Variants in ERI2 observed in about 807,000 individuals in gnomAD.
The protein encoded by ERI2 is ERI1 exoribonuclease family member 2.
Under a neutral mutation model 46.8 loss-of-function variants are expected in ERI2, and 35 were observed. That is an observed-to-expected ratio of 0.75 (90% CI 0.57 to 0.99). ERI2 has a LOEUF of 0.99. Among genes scored for constraint, ERI2 ranks in the 50% least tolerant of loss-of-function variants. The probability of loss-of-function intolerance (pLI) is 0.00; values close to 1 mark genes in which losing one functional copy is unlikely to be tolerated. For missense variants in ERI2, 695 were observed against 796.2 expected (o/e 0.87, Z 1.53); for synonymous variants, 224 against 271.0 (o/e 0.83, Z 1.70).
At position 20,797,171 on chromosome 16, in the gene ERI2, G is replaced by T; in HGVS notation, c.*553C>A. 5 of 1,309,650 alleles carry T rather than the reference G, an allele frequency of 3.8e-6. No homozygotes were observed. The highest frequency in any genetic ancestry group is 2.0e-5 in the South Asian group (1 of 49,322). The allele number at this position is 1,309,650 out of a possible 1,614,324, so 81.1% of individuals were successfully genotyped here. A position where few individuals can be genotyped will look rare whatever the true frequency, so the allele number is the denominator to read the frequency against. On this transcript the variant is annotated 3_prime_UTR_variant, in exon 9 of 9. Coordinates refer to ENST00000357967, the MANE Select transcript of ERI2 (RefSeq NM_001142725.2). The stretch of plus-strand genomic sequence containing the variant: ...CAAATTCCTCCACATTAGTGTCAAT[G>T]TTCCTATCATTTCTTAATATAAAAA...
chr16:20,790,838 T>C lies in ERI2; in HGVS notation c.815+12A>G, dbSNP rs757820099. On this transcript the variant is annotated intron_variant, in intron 9 of 10. Coordinates refer to the ERI2 transcript ENST00000300005. This position sits in a 1 kb window ranked among gnomAD's most constrained non-coding sequence, Gnocchi z 4.0. ...GAATAGTAATCCAAAAGACAAGAAA[T>C]TGAAGAAATACCCAAATTCTTGCTG... 11 of 1,613,956 alleles carry C rather than the reference T, an allele frequency of 6.8e-6. No individual in the cohort carries two copies. In the Admixed American group the frequency reaches 1.7e-4, roughly 24 times the overall value.
downstream of ERI2, chr16:20,792,024 C>A: frequency 1.2e-6 from 2 of 1,614,004 alleles, no homozygotes; most frequent in Non-Finnish European, 1.7e-6. Context: ...AAAACAGCTT[C>A]AACTCTACGA....
chr16:20,788,778 T>C (rs1253149031), intron 10 of ERI2, among the ~76,000 whole-genome samples: 1 of 152,208 alleles, frequency 6.6e-6, no homozygotes, highest in African/African-American at 2.4e-5. Context: ...AATCTGTAAG[T>C]AACTGGAACT....
chr16:20,790,771 T>G lies in ERI2; in HGVS notation c.815+79A>C. On this transcript the variant is annotated intron_variant, in intron 9 of 10. Transcript: ENST00000300005. This position sits in a 1 kb window ranked among gnomAD's most constrained non-coding sequence, Gnocchi z 4.0. ...ATCCCTGTTTGCCACAAAACATACC[T>G]AGGATAGGTACTTGACCCTTTCTTG... The G allele has an allele frequency of 6.2e-7, 1 of 1,613,360 alleles. No individual in the cohort carries two copies. The highest frequency in any genetic ancestry group is 8.5e-7 in the Non-Finnish European group (1 of 1,179,472).
rs199983080 is a variant in ERI2, at chr16:20,796,840, A to G, written c.*884T>C. ...ACTGCTATATAATTGGCTTTATGTA[A>G]AGATAAAAATTTCCAGGCTAATTTT... On this transcript the variant is annotated 3_prime_UTR_variant, in exon 9 of 9. Transcript: ENST00000357967. 4 of 1,606,024 alleles carry G rather than the reference A, an allele frequency of 2.5e-6. No individual in the cohort carries two copies. In the East Asian group the frequency reaches 9.0e-5, roughly 36 times the overall value.
At chr16:20,799,892 A>G (rs2080778048) in intron 7 of ERI2, 65 bp downstream of exon 7, 1 of 988,366 alleles carries the variant, frequency 1.0e-6, no homozygotes. Flanking sequence ...TTACCAAAAA[A>G]TGAAATTCAT....
chr16:20,788,505 T>G (rs528112611), intron 10 of ERI2, among the ~76,000 whole-genome samples: 2 of 152,348 alleles, frequency 1.3e-5, no homozygotes, highest in African/African-American at 4.8e-5. Context: ...CAGTCATTTT[T>G]AACTCTTTTC....
In ERI2 at chr16:20,798,085, C is replaced by A. The variant is rs370390087; in HGVS notation, c.1715G>T (p.Arg572Leu). 3.2e-6 allele frequency: 5 copies of A among 1,551,466 alleles called. No individual in the cohort carries two copies. Among genetic ancestry groups the A allele is most frequent in the Non-Finnish European group, 4.4e-6 (5 of 1,146,904 alleles). ...TGTAGAAGTTAATATAGATGGGAGA[C>A]GCCTCCAGGAAGAACTTCTTACTGG... ...CSPVRSSSWR[R>L]LPSILTSTVN... is the part of the protein sequence containing the mutation. Residue 572 changes from arginine to leucine, a missense_variant, in exon 9 of 9, where the codon CGT (arginine) becomes CTT (leucine). Coordinates refer to ENST00000357967, the MANE Select transcript of ERI2 (RefSeq NM_001142725.2).
rs771689378 is a variant in ERI2, at chr16:20,780,688, C to T, written c.941G>A (p.Cys314Tyr). The change falls in exon 11 of 11, where the codon TGC (cysteine) becomes TAC (tyrosine). Residue 314 changes from cysteine to tyrosine, a missense_variant. Transcript: ENST00000300005. ...AGTCTGTGATGCTGTGTTTAACATG[C>T]AGTCATTGTAGTTTTTCCTTTGCAG... The T allele has an allele frequency of 2.0e-5, 33 of 1,614,038 alleles. No homozygotes were observed. The Admixed American group carries it at 4.3e-4, about 21-fold the overall frequency.
In ERI2 at chr16:20,797,024, C is replaced by CTA. The variant is rs756687056; in HGVS notation, c.*699_*700insTA. The CTA allele has an allele frequency of 2.3e-5, 36 of 1,588,028 alleles. No individual in the cohort carries two copies. In the East Asian group the frequency reaches 7.7e-4, roughly 34 times the overall value. On this transcript the variant is annotated 3_prime_UTR_variant, in exon 9 of 9. Coordinates refer to ENST00000357967, the MANE Select transcript of ERI2 (RefSeq NM_001142725.2). ...TAAAACAAACATAGTATCTGTCAAT[C>CTA]TCTAGAAACCACAAGATGATGGAGA...
chr16:20,799,911 T>A, intron 7 of ERI2, 46 bp downstream of exon 7: 1 of 1,186,760 alleles, frequency 8.4e-7, no homozygotes, highest in Non-Finnish European at 1.2e-6. Context: ...ATATGAAGTA[T>A]TTTTTAAAAG....
At position 20,797,683 on chromosome 16, in the gene ERI2, G is replaced by C. The variant is rs1250822007; in HGVS notation, c.*41C>G. ...AGATGTTATCAGAATACTCATGTTT[G>C]GAAATTCAAGGAACAATTAGGATTC... On this transcript the variant is annotated 3_prime_UTR_variant, in exon 9 of 9. Coordinates refer to ENST00000357967, the MANE Select transcript of ERI2 (RefSeq NM_001142725.2). 2.7e-6 allele frequency: 4 copies of C among 1,477,166 alleles called. No homozygotes were observed. Among genetic ancestry groups the C allele is most frequent in the Middle Eastern group, 1.8e-4 (1 of 5,658 alleles). The allele number at this position is 1,477,166 out of a possible 1,614,324, so 91.5% of individuals were successfully genotyped here.
intron 10 of ERI2, chr16:20,786,111 A>G: frequency 6.2e-7 from 1 of 1,603,334 alleles, no homozygotes; most frequent in Non-Finnish European, 8.5e-7. Context: ...GGGAATGAAA[A>G]TTAAACCTGG....
At position 20,798,188 on chromosome 16, in the gene ERI2, T is replaced by G. The variant is rs2080755408; in HGVS notation, c.1612A>C (p.Ser538Arg). ...LSGGTKRNPC[S>R]PQAFPPAKKQ... ...TTTGCTGGTGGGAAAGCTTGGGGAC[T>G]GCATGGATTCCTTTTGGTACCACCT... Residue 538 changes from serine (S) to arginine (R), a missense_variant, in exon 9 of 9, where the codon AGT (serine) becomes CGT (arginine). Physicochemically the swap from Ser to Arg is moderately radical, Grantham distance 110. Coordinates refer to ENST00000357967, the MANE Select transcript of ERI2 (RefSeq NM_001142725.2). The G allele has an allele frequency of 6.4e-7, 1 of 1,551,540 alleles. No homozygotes were observed. Among genetic ancestry groups the G allele is most frequent in the South Asian group, 1.2e-5 (1 of 84,062 alleles).
At chr16:20,795,278 C>A (rs1024095037), downstream of ERI2, among the ~76,000 whole-genome samples, 3 of 152,186 alleles carry the variant, frequency 2.0e-5, no homozygotes, top group African/African-American at 7.2e-5. Context: ...ACCTCGGCCT[C>A]CCAAATGTTG....
chr16:20,794,701 C>T (rs2080681988), downstream of ERI2, among the ~76,000 whole-genome samples: 2 of 152,206 alleles, frequency 1.3e-5, no homozygotes, highest in African/African-American at 4.8e-5. Context: ...TGATGACTTA[C>T]TATGTGCCAG....
chr16:20,798,903 A>T lies in ERI2; in HGVS notation c.897T>A (p.Cys299Ter). The T allele has an allele frequency of 6.4e-7, 1 of 1,551,006 alleles. No individual in the cohort carries two copies. Among genetic ancestry groups the T allele is most frequent in the South Asian group, 1.2e-5 (1 of 83,772 alleles). The change falls in exon 9 of 9, where the codon TGT becomes TGA. Residue 299 changes from cysteine (C) to a stop codon, truncating the protein, a stop_gained. Coordinates refer to ENST00000357967, the MANE Select transcript of ERI2 (RefSeq NM_001142725.2). LOFTEE classifies it low-confidence loss of function (END_TRUNC). ...PHEKVQMKSI[C>*]ANSPIKAQQD... ...GTTGTGCCTTTATAGGAGAATTTGCACAAATTGACTTCATTTGAACTTTTT... is the reference window on the plus strand; with the variant it reads ...GTTGTGCCTTTATAGGAGAATTTGCTCAAATTGACTTCATTTGAACTTTTT...
rs2080745108 is a variant in ERI2, at chr16:20,797,594, T to C, written c.*130A>G. 2 of 1,314,430 alleles carry C rather than the reference T, an allele frequency of 1.5e-6. No homozygotes were observed. The highest frequency in any genetic ancestry group is 1.9e-6 in the Non-Finnish European group (2 of 1,034,146). The allele number at this position is 1,314,430 out of a possible 1,614,324, so 81.4% of individuals were successfully genotyped here. On this transcript the variant is annotated 3_prime_UTR_variant, in exon 9 of 9. Coordinates refer to ENST00000357967, the MANE Select transcript of ERI2 (RefSeq NM_001142725.2). ...TGTTTACAAAAGATTACACTTGTGG[T>C]TCCTGAAGAAAGTATGGTAAATGCA...
At chr16:20,786,226 C>T (rs1231256026) in intron 10 of ERI2, 10 of 1,547,640 alleles carry the variant, frequency 6.5e-6, no homozygotes, top group Non-Finnish European at 8.7e-6. Context: ...TACCGCTTAC[C>T]CCCATATAAA....
Sources: allele counts gnomAD v4.1 joint callset (sites outside exome capture counted in the v4.1 genomes callset), GRCh38; gene constraint gnomAD v4.1.1; non-coding constraint Gnocchi (gnomAD v3.1); transcripts MANE v1.5; gene names NCBI Gene and HGNC (gene_info 2026-07-23, HGNC 2026-07-21).